The following ZC3H12B variants were observed in gnomAD, a reference collection of about 807,000 sequenced individuals.
The protein encoded by ZC3H12B is probable ribonuclease ZC3H12B.
Under a neutral mutation model 43.9 loss-of-function variants are expected in ZC3H12B, and 7 were observed. The observed-to-expected ratio is 0.16, with a 90% confidence interval of 0.09 to 0.30. The LOEUF is 0.30. Among genes scored for constraint, ZC3H12B ranks in the 10% least tolerant of loss-of-function variants. The probability of loss-of-function intolerance (pLI) is 1.00; values close to 1 mark genes in which losing one functional copy is unlikely to be tolerated. For missense variants in ZC3H12B, 475 were observed against 670.2 expected (o/e 0.71, Z 3.22); for synonymous variants, 222 against 241.7 (o/e 0.92, Z 0.76).
the ZC3H12B span, chrX:65,357,258 G>A: frequency 2.8e-6 from 1 of 356,964 alleles, no homozygotes; most frequent in South Asian, 3.3e-5. Flanking sequence ...AGACTCAATA[G>A]GATGGTAGGA....
chrX:65,113,305 G>T, the ZC3H12B span, among the ~76,000 whole-genome samples: 1 of 111,890 alleles, frequency 8.9e-6, no homozygotes, highest in Admixed American at 9.5e-5. Flanking sequence ...TTGTTGAAAT[G>T]ACAACAAAAG....
the ZC3H12B span, among the ~76,000 whole-genome samples, chrX:65,096,832 G>T: frequency 9.0e-6 from 1 of 111,175 alleles, no homozygotes; most frequent in Non-Finnish European, 1.9e-5. Flanking sequence ...AGGGCTTATT[G>T]TTATTGAAAA....
chrX:65,143,180 A>C, the ZC3H12B span, among the ~76,000 whole-genome samples: 1 of 111,215 alleles, frequency 9.0e-6, no homozygotes, highest in African/African-American at 3.3e-5. Context: ...GATTTCTTTC[A>C]GTAGTGTTTT....
intron 1 of ZC3H12B, among the ~76,000 whole-genome samples, chrX:65,496,402 T>A (rs1302665552): frequency 2.7e-5 from 3 of 111,997 alleles, no homozygotes; most frequent in Admixed American, 1.9e-4. Context: ...ACTTTAAACC[T>A]CTGGTAATAC....
chrX:65,374,131 GT>G (rs1208420686), intron 2 of ZC3H12B, among the ~76,000 whole-genome samples: 1 of 65,325 alleles, frequency 1.5e-5, no homozygotes, highest in African/African-American at 9.0e-5. Flanking sequence ...TATATATAGT[GT>G]ATATATAACT....
chrX:65,381,245 C>A (rs1168501976), intron 2 of ZC3H12B, among the ~76,000 whole-genome samples: 1 of 111,636 alleles, frequency 9.0e-6, no homozygotes, highest in Non-Finnish European at 1.9e-5. Flanking sequence ...GAAATTATAA[C>A]AAACTATCTC....
chrX:65,225,435 C>T, the ZC3H12B span, among the ~76,000 whole-genome samples: 1 of 112,030 alleles, frequency 8.9e-6, no homozygotes, highest in Non-Finnish European at 1.9e-5. Context: ...AAAAACAGAG[C>T]AGAAAAACTG....
chrX:65,429,545 A>C (rs1206808931), intron 3 of ZC3H12B, among the ~76,000 whole-genome samples: 1 of 112,771 alleles, frequency 8.9e-6, no homozygotes, highest in Non-Finnish European at 1.9e-5. Flanking sequence ...CTGGCAAAGC[A>C]GCTGTGCTGC....
At chrX:65,133,931 G>T in the ZC3H12B span, among the ~76,000 whole-genome samples, 1 of 110,913 alleles carries the variant, frequency 9.0e-6, no homozygotes, top group African/African-American at 3.3e-5. Context: ...CCATTTTTTC[G>T]ACAAAAATCA....
chrX:65,502,417 G>T lies in ZC3H12B; in HGVS notation c.1719G>T (p.Gly573=), dbSNP rs183852015. ...ATTACATGGCTGAAGTAGACCGGGG[G>T]GTGTATGCCCGGAATCCTAACCTCT... The change falls in exon 5 of 5, where the codon GGG becomes GGT. Residue 573 remains glycine, a synonymous_variant. Transcript: ENST00000338957. The T allele has an allele frequency of 7.1e-4, 864 of 1,208,874 alleles. 5 individuals carry two copies. In the African/African-American group the frequency reaches 0.014, roughly 20 times the overall value.
chrX:65,125,028 G>A, the ZC3H12B span, among the ~76,000 whole-genome samples: 1 of 109,984 alleles, frequency 9.1e-6, no homozygotes, highest in Non-Finnish European at 1.9e-5. Context: ...TGCTGGCTTT[G>A]GGTTTGGATT....
At chrX:65,164,000 A>G in the ZC3H12B span, among the ~76,000 whole-genome samples, 1 of 111,960 alleles carries the variant, frequency 8.9e-6, no homozygotes, top group Non-Finnish European at 1.9e-5. Context: ...CTTAAAAACT[A>G]CCTGTCGTTA....
the ZC3H12B span, among the ~76,000 whole-genome samples, chrX:65,224,488 G>C: frequency 8.9e-6 from 1 of 112,585 alleles, no homozygotes. Flanking sequence ...TGAAGTACCG[G>C]GTTCATCTCA....
the ZC3H12B span, among the ~76,000 whole-genome samples, chrX:65,222,342 C>T: frequency 2.7e-5 from 3 of 110,465 alleles, no homozygotes; most frequent in African/African-American, 9.8e-5. Context: ...AGTAGAAGTC[C>T]TAGACAGAGC....
At chrX:65,409,284 T>C (rs2066874173) in intron 3 of ZC3H12B, among the ~76,000 whole-genome samples, 1 of 108,395 alleles carries the variant, frequency 9.2e-6, no homozygotes, top group Non-Finnish European at 1.9e-5. Context: ...TTTTTAAAAC[T>C]GAAAAAAAAA....
the ZC3H12B span, among the ~76,000 whole-genome samples, chrX:65,228,827 A>G: frequency 1.3e-4 from 15 of 111,783 alleles, no homozygotes; most frequent in South Asian, 7.5e-4. Context: ...AACTTACAAC[A>G]GACGTGAAGG....
At chrX:65,055,386 G>A in the ZC3H12B span, among the ~76,000 whole-genome samples, 7 of 111,689 alleles carry the variant, frequency 6.3e-5, no homozygotes, top group Admixed American at 9.5e-5. Flanking sequence ...GCTGGATTAC[G>A]TTTACTGATT....
chrX:65,253,445 C>A, the ZC3H12B span, among the ~76,000 whole-genome samples: 1 of 112,331 alleles, frequency 8.9e-6, no homozygotes, highest in East Asian at 2.8e-4. Context: ...GGGCAGAACT[C>A]CAGCTGGCGC....
chrX:65,243,800 G>A, the ZC3H12B span, among the ~76,000 whole-genome samples: 2 of 109,438 alleles, frequency 1.8e-5, no homozygotes, highest in Non-Finnish European at 3.9e-5. Flanking sequence ...TAAATATAAT[G>A]AAGTTTTTTT....
Sources: gnomAD v4.1 joint callset for allele counts (sites outside exome capture counted in the v4.1 genomes callset) on GRCh38, gnomAD v4.1.1 for gene constraint, MANE v1.5 for transcripts, NCBI Gene and HGNC (gene_info 2026-07-23, HGNC 2026-07-21) for gene names.